The following CHD9 variants were observed in gnomAD, a reference collection of about 807,000 sequenced individuals.
CHD9 encodes ATP-dependent chromatin remodeler CHD9.
A neutral mutation model predicts 316.1 loss-of-function variants in CHD9; 77 were observed. The observed-to-expected ratio is 0.24, with a 90% CI of 0.20 to 0.29. The LOEUF is 0.29. Ranked by LOEUF, CHD9 falls within the 10% of genes least tolerant of loss-of-function variation. CHD9 has a pLI of 1.00. For missense variants in CHD9, 2,763 were observed against 3,438.1 expected (o/e 0.80, Z 4.91); for synonymous variants, 1,129 against 1,158.3 (o/e 0.97, Z 0.51).
intron 1 of CHD9, among the ~76,000 whole-genome samples, chr16:53,094,756 C>T (rs1344059475): frequency 1.3e-5 from 2 of 151,926 alleles, no homozygotes; most frequent in African/African-American, 4.8e-5. Context: ...TCTCCTCCCC[C>T]AGCCTCCTGA....
intron 35 of CHD9, 25 bp from the exon 36 acceptor site, chr16:53,314,798 G>T (rs2056755262): frequency 6.8e-7 from 1 of 1,473,354 alleles, no homozygotes; most frequent in Admixed American, 1.9e-5. Context: ...TGAAAATAAA[G>T]ATACCATTTG....
intron 10 of CHD9, among the ~76,000 whole-genome samples, chr16:53,231,988 G>A (rs934515106): frequency 6.6e-6 from 1 of 152,150 alleles, no homozygotes; most frequent in Non-Finnish European, 1.5e-5. Context: ...TAGCACGAGA[G>A]TGAGGAAAGC....
intron 3 of CHD9, among the ~76,000 whole-genome samples, chr16:53,212,087 A>G (rs1433575276): frequency 6.6e-6 from 1 of 152,168 alleles, no homozygotes; most frequent in East Asian, 1.9e-4. Context: ...AACTTAATCA[A>G]CAGCAGTGTA....
chr16:53,121,055 C>G (rs1290160328), intron 1 of CHD9, among the ~76,000 whole-genome samples: 14 of 152,142 alleles, frequency 9.2e-5, no homozygotes, highest in Admixed American at 9.2e-4. Flanking sequence ...ATACCAATTA[C>G]AGTACCTGCA....
intron 10 of CHD9, among the ~76,000 whole-genome samples, chr16:53,233,737 T>G (rs1382654690): frequency 6.6e-6 from 1 of 152,152 alleles, no homozygotes; most frequent in African/African-American, 2.4e-5. Context: ...CAAGCAGCAC[T>G]TTGGGGAACC....
chr16:53,180,245 G>A (rs897853902), intron 2 of CHD9, among the ~76,000 whole-genome samples: 2 of 152,150 alleles, frequency 1.3e-5, no homozygotes, highest in African/African-American at 4.8e-5. Context: ...GACCTCAGGT[G>A]ATCCACCTTC....
At chr16:53,098,120 C>CA (rs1051950693) in intron 1 of CHD9, among the ~76,000 whole-genome samples, 15 of 147,518 alleles carry the variant, frequency 1.0e-4, no homozygotes, top group Non-Finnish European at 1.3e-4. Context: ...GACTTCGTCT[C>CA]AAAAAAAAAA....
At chr16:53,094,598 G>T (rs1478178709) in intron 1 of CHD9, among the ~76,000 whole-genome samples, 2 of 151,070 alleles carry the variant, frequency 1.3e-5, no homozygotes, top group African/African-American at 4.9e-5. Context: ...TTCCTTATGG[G>T]TACTTCATAC....
chr16:53,099,010 A>C lies in CHD9; in HGVS notation c.-165+43933A>C, dbSNP rs999750411. 3 of 152,394 alleles carry C rather than the reference A, an allele frequency of 2.0e-5. No homozygotes were observed. In the East Asian group the frequency reaches 5.8e-4, roughly 29 times the overall value. 9.4% of individuals were successfully genotyped at this position (152,394 alleles called of 1,614,324 possible). On this transcript the variant is annotated intron_variant, in intron 1 of 38. Coordinates refer to ENST00000447540, the MANE Select transcript of CHD9 (RefSeq NM_001308319.2). ...TCTGTCTCCAGCCTGGCTCTGACTC[A>C]TGGAACGAGGGAGTCCCAGAGCACT... is the stretch of plus-strand genomic sequence containing the variant.
intron 1 of CHD9, among the ~76,000 whole-genome samples, chr16:53,143,358 T>TTTTTTTTA (rs377721113): frequency 1.3e-4 from 18 of 137,990 alleles, no homozygotes; most frequent in African/African-American, 2.2e-4. Flanking sequence ...TTTTATCTTA[T>TTTTTTTTA]TTTATTTATT....
intron 1 of CHD9, among the ~76,000 whole-genome samples, chr16:53,130,190 C>T (rs1274317036): frequency 6.6e-6 from 1 of 151,628 alleles, no homozygotes; most frequent in Non-Finnish European, 1.5e-5. Flanking sequence ...CGGGCGCCGG[C>T]TACTGCAGGT....
chr16:53,147,452 C>G (rs1399609210), intron 1 of CHD9, among the ~76,000 whole-genome samples: 1 of 152,224 alleles, frequency 6.6e-6, no homozygotes, highest in African/African-American at 2.4e-5. Flanking sequence ...ATCACCACTA[C>G]ATGTTGCCAT....
intron 24 of CHD9, among the ~76,000 whole-genome samples, chr16:53,283,231 C>T (rs2053574347): frequency 6.6e-6 from 1 of 152,176 alleles, no homozygotes; most frequent in Admixed American, 6.6e-5. Flanking sequence ...TATTGCATGT[C>T]CATCTTTACA....
At chr16:53,301,002 G>T (rs2153074538) in intron 30 of CHD9, among the ~76,000 whole-genome samples, 1 of 152,300 alleles carries the variant, frequency 6.6e-6, no homozygotes, top group African/African-American at 2.4e-5. Flanking sequence ...GAGCCTGGGA[G>T]GCGGAGGTTG....
chr16:53,129,669 T>C lies in CHD9; in HGVS notation c.-164-26257T>C, dbSNP rs530261895. Among the ~76,000 whole-genome samples the C allele has an allele frequency of 7.9e-5, 12 of 152,342 alleles. No homozygotes were observed. In the South Asian group the frequency reaches 2.3e-3, roughly 29 times the overall value. On this transcript the variant is annotated intron_variant, in intron 1 of 38. Coordinates refer to ENST00000447540, the MANE Select transcript of CHD9 (RefSeq NM_001308319.2). ...TTCTGTCAACTGTGAACGTGAAATA[T>C]CACCTGCACTGGATCGGAAATGGTC...
chr16:53,221,680 G>T (rs551521435), intron 3 of CHD9, among the ~76,000 whole-genome samples: 1 of 151,920 alleles, frequency 6.6e-6, no homozygotes, highest in Non-Finnish European at 1.5e-5. Flanking sequence ...CATATATGAC[G>T]ATATACTGAC....
chr16:53,104,964 G>T (rs2037200215), intron 1 of CHD9, among the ~76,000 whole-genome samples: 1 of 151,506 alleles, frequency 6.6e-6, no homozygotes, highest in Non-Finnish European at 1.5e-5. Flanking sequence ...CTCTCAAGTA[G>T]CTAAGACCAT....
At chr16:53,296,779 T>C (rs1415340449) in intron 29 of CHD9, among the ~76,000 whole-genome samples, 177 bp from the exon 30 acceptor site, 5 of 152,112 alleles carry the variant, frequency 3.3e-5, no homozygotes, top group Admixed American at 6.5e-5. Context: ...AAAAGTATGG[T>C]TGGATAGATG....
chr16:53,170,578 C>CGTGTGTGTGTGT (rs10593955), intron 2 of CHD9, among the ~76,000 whole-genome samples: 7 of 140,232 alleles, frequency 5.0e-5, no homozygotes, highest in African/African-American at 1.8e-4. Flanking sequence ...TTTGTAATTT[C>CGTGTGTGTGTGT]GTGTGTGTGT....
Sources: gnomAD v4.1 joint callset for allele counts (sites outside exome capture counted in the v4.1 genomes callset) on GRCh38, gnomAD v4.1.1 for gene constraint, MANE v1.5 for transcripts, NCBI Gene and HGNC (gene_info 2026-07-23, HGNC 2026-07-21) for gene names.